IGSF21: variants seen among roughly 807,000 people sequenced by gnomAD.
IGSF21 encodes the protein immunoglobin superfamily member 21, also known as immunoglobulin superfamily member 21.
IGSF21 carries 28 observed loss-of-function variants against 46.8 expected under a neutral mutation model. That is an observed-to-expected ratio of 0.60 (90% CI 0.44 to 0.82). The LOEUF (loss-of-function observed/expected upper bound fraction) is 0.82, where lower values mean the gene tolerates loss of function less well. IGSF21 is among the 40% of genes least tolerant of loss of function. The pLI is 0.00. For synonymous variants in IGSF21, 284 were observed against 273.6 expected, an observed-to-expected ratio of 1.04 and a Z score of -0.38; for missense variants, 624 against 665.5, an observed-to-expected ratio of 0.94 and a Z score of 0.69.
At position 18,107,880 on chromosome 1, in the gene IGSF21, C is replaced by T. The variant is rs112680314; in HGVS notation, c.-249C>T. 30,736 of 168,226 alleles carry T rather than the reference C, an allele frequency of 0.18. 3,594 individuals are homozygous for T. Among genetic ancestry groups the T allele is most frequent in the Non-Finnish European group, 0.27 (21,062 of 79,288 alleles). The allele number at this position is 168,226 out of a possible 1,614,324, so 10.4% of individuals were successfully genotyped here. On this transcript the variant is annotated 5_prime_UTR_variant, in exon 1 of 10. Coordinates refer to ENST00000251296, the MANE Select transcript of IGSF21 (RefSeq NM_032880.5). Reference sequence around the variant, plus strand: ...CGCGCGCAGCTAGGGAGCCGAGAACCGCGGCGAGCCCCGAGGACGCCCAGA... The same window carrying T: ...CGCGCGCAGCTAGGGAGCCGAGAACTGCGGCGAGCCCCGAGGACGCCCAGA...
chr1:18,143,106 G>A lies in IGSF21; in HGVS notation c.70+34908G>A, dbSNP rs114380198. On this transcript the variant is annotated intron_variant, in intron 1 of 9. Transcript: ENST00000251296. The stretch of plus-strand genomic sequence containing the variant: ...AGGCCTAGTAACAGCAGATGTCTGC[G>A]GTTCAGCTTCCAAGGCTCCCGCAGA... Among the ~76,000 whole-genome samples, 1,039 of 152,332 alleles carry A rather than the reference G, an allele frequency of 6.8e-3. 17 individuals carry two copies. Among genetic ancestry groups the A allele is most frequent in the African/African-American group, 0.024 (995 of 41,584 alleles).
chr1:18,199,316 A>G (rs2087043764), intron 1 of IGSF21, among the ~76,000 whole-genome samples: 1 of 152,082 alleles, frequency 6.6e-6, no homozygotes, highest in South Asian at 2.1e-4. Flanking sequence ...TCATCTGTAA[A>G]ATGAGGATAG....
At chr1:18,255,805 T>C (rs2084886891) in intron 2 of IGSF21, among the ~76,000 whole-genome samples, 1 of 152,018 alleles carries the variant, frequency 6.6e-6, no homozygotes, top group Non-Finnish European at 1.5e-5. Flanking sequence ...CCTCCTGAGG[T>C]CCCAAAGTGC....
rs369484545 is a variant in IGSF21, at chr1:18,329,971, G to A, written c.306-4921G>A. 1.6e-4 allele frequency among the ~76,000 whole-genome samples: 24 copies of A among 152,266 alleles called. No homozygotes were observed. In the East Asian group the frequency reaches 3.7e-3, roughly 23 times the overall value. Reference sequence around the variant, plus strand: ...TTACTCACCCTTCAGAGATGCCGTCGGTGTTGGTAAACTCCAGCCGCTAAA... The same window carrying A: ...TTACTCACCCTTCAGAGATGCCGTCAGTGTTGGTAAACTCCAGCCGCTAAA... On this transcript the variant is annotated intron_variant, in intron 3 of 9. Transcript: ENST00000251296.
chr1:18,260,026 G>A (rs976912614), intron 2 of IGSF21, among the ~76,000 whole-genome samples: 9 of 152,146 alleles, frequency 5.9e-5, no homozygotes, highest in African/African-American at 1.9e-4. Flanking sequence ...TTCTTGAATG[G>A]GTATAAAAAC....
chr1:18,371,881 G>C (rs999209961), intron 6 of IGSF21, among the ~76,000 whole-genome samples: 2 of 152,170 alleles, frequency 1.3e-5, no homozygotes, highest in East Asian at 3.8e-4. Context: ...CTTATTGTCT[G>C]AATCGCCCAC....
intron 1 of IGSF21, among the ~76,000 whole-genome samples, chr1:18,155,280 C>A (rs1409272906): frequency 6.6e-6 from 1 of 152,170 alleles, no homozygotes; most frequent in Non-Finnish European, 1.5e-5. Flanking sequence ...GAGAGCCTCG[C>A]CCCTGCATGG....
chr1:18,268,025 C>T (rs1020406927), intron 2 of IGSF21, among the ~76,000 whole-genome samples: 4 of 152,186 alleles, frequency 2.6e-5, no homozygotes, highest in Admixed American at 6.5e-5. Flanking sequence ...CAGGGATCTT[C>T]GTCTGTTTTA....
intron 1 of IGSF21, among the ~76,000 whole-genome samples, chr1:18,219,545 G>A (rs1477200276): frequency 2.6e-5 from 4 of 152,192 alleles, no homozygotes. Context: ...AGAGATAGCA[G>A]CGGAGGGGTG....
At chr1:18,183,831 G>T (rs2086878842) in intron 1 of IGSF21, among the ~76,000 whole-genome samples, 1 of 152,116 alleles carries the variant, frequency 6.6e-6, no homozygotes, top group Non-Finnish European at 1.5e-5. Context: ...TCTTGTGAAG[G>T]GGGCAGAAAT....
At chr1:18,171,260 C>T (rs1165702479) in intron 1 of IGSF21, among the ~76,000 whole-genome samples, 1 of 152,078 alleles carries the variant, frequency 6.6e-6, no homozygotes, top group Non-Finnish European at 1.5e-5. Context: ...GATTCACAAT[C>T]CTCCCAAATG....
chr1:18,197,883 C>T (rs1031412801), intron 1 of IGSF21, among the ~76,000 whole-genome samples: 1 of 152,216 alleles, frequency 6.6e-6, no homozygotes, highest in African/African-American at 2.4e-5. Flanking sequence ...GTGACTGTGT[C>T]TTAGCTGTGC....
chr1:18,161,492 C>T (rs1359535020), intron 1 of IGSF21, among the ~76,000 whole-genome samples: 2 of 152,066 alleles, frequency 1.3e-5, no homozygotes, highest in Non-Finnish European at 2.9e-5. Flanking sequence ...TATTTACCTT[C>T]CCCCCAGCCC....
In IGSF21 at chr1:18,213,989, G is replaced by A. The variant is rs925168806; in HGVS notation, c.71-13909G>A. Among the ~76,000 whole-genome samples the A allele has an allele frequency of 3.9e-5, 6 of 152,264 alleles. No individual in the cohort carries two copies. In the South Asian group the frequency reaches 1.0e-3, roughly 26 times the overall value. On this transcript the variant is annotated intron_variant, in intron 1 of 9. Coordinates refer to ENST00000251296, the MANE Select transcript of IGSF21 (RefSeq NM_032880.5). ...ATGGGAAGAAAAATGACCAACATTA[G>A]CTTTGCAGGGAATTGGAGGAGCATC... is the stretch of plus-strand genomic sequence containing the variant.
At chr1:18,353,983 C>T (rs1218868969) in intron 4 of IGSF21, among the ~76,000 whole-genome samples, 1 of 152,228 alleles carries the variant, frequency 6.6e-6, no homozygotes, top group Non-Finnish European at 1.5e-5. Context: ...CTGGTCGACA[C>T]TAGCTCTGAG....
intron 2 of IGSF21, among the ~76,000 whole-genome samples, chr1:18,288,687 GCTA>G (rs2085238510): frequency 6.6e-6 from 1 of 152,148 alleles, no homozygotes; most frequent in South Asian, 2.1e-4. Flanking sequence ...GCAAATAGCT[GCTA>G]GCCCGCTGGC....
At chr1:18,223,121 C>A (rs1455488444) in intron 1 of IGSF21, among the ~76,000 whole-genome samples, 11 of 152,250 alleles carry the variant, frequency 7.2e-5, no homozygotes. Context: ...CATTGCCAGG[C>A]TCTGACCTCA....
chr1:18,353,891 C>G (rs2085986930), intron 4 of IGSF21, among the ~76,000 whole-genome samples: 2 of 152,194 alleles, frequency 1.3e-5, no homozygotes, highest in African/African-American at 4.8e-5. Context: ...GAATTTTCTT[C>G]CACAGATGGG....
intron 1 of IGSF21, among the ~76,000 whole-genome samples, chr1:18,126,012 C>T (rs748162897): frequency 3.9e-5 from 6 of 152,134 alleles, no homozygotes; most frequent in Non-Finnish European, 5.9e-5. Flanking sequence ...GGGAGGACTT[C>T]GGTGAGGTTC....
Sources: allele counts gnomAD v4.1 joint callset (sites outside exome capture counted in the v4.1 genomes callset), GRCh38; gene constraint gnomAD v4.1.1; transcripts MANE v1.5; gene names NCBI Gene and HGNC (gene_info 2026-07-23, HGNC 2026-07-21).